Variants in AUTS2 observed in about 807,000 individuals in gnomAD.
The protein encoded by AUTS2 is autism susceptibility gene 2 protein.
AUTS2 carries 17 observed loss-of-function variants against 112.4 expected under a neutral mutation model. That is an observed-to-expected ratio of 0.15 (90% CI 0.10 to 0.23). The LOEUF (loss-of-function observed/expected upper bound fraction) is 0.23. Among genes scored for constraint, AUTS2 ranks in the 10% least tolerant of loss-of-function variants. The pLI, the probability that AUTS2 is intolerant of heterozygous loss-of-function variation, is 1.00. For synonymous variants in AUTS2, 751 were observed against 702.7 expected, an observed-to-expected ratio of 1.07 and a Z score of -1.09; for missense variants, 1,510 against 1,701.6, an observed-to-expected ratio of 0.89 and a Z score of 1.98.
intron 5 of AUTS2, among the ~76,000 whole-genome samples, chr7:70,663,398 T>C (rs1284065465): frequency 1.3e-5 from 2 of 152,078 alleles, no homozygotes; most frequent in African/African-American, 4.8e-5. Context: ...CTCTGTCTTT[T>C]AAAAAAGAAA....
chr7:70,482,071 A>G (rs574016593), intron 5 of AUTS2, among the ~76,000 whole-genome samples: 1 of 152,284 alleles, frequency 6.6e-6, no homozygotes, highest in East Asian at 1.9e-4. Flanking sequence ...CAAAAGACCT[A>G]ACCTTTCCAT....
At chr7:70,282,748 C>G (rs1027304040) in intron 4 of AUTS2, among the ~76,000 whole-genome samples, 2 of 152,240 alleles carry the variant, frequency 1.3e-5, no homozygotes, top group East Asian at 3.9e-4. Flanking sequence ...CCATATTTAG[C>G]TGATAGAAGT....
chr7:70,561,953 C>T (rs537265641), intron 5 of AUTS2, among the ~76,000 whole-genome samples: 8 of 152,240 alleles, frequency 5.3e-5, no homozygotes, highest in African/African-American at 1.4e-4. Flanking sequence ...CCCTCATGAA[C>T]GGCTTGGTGT....
At chr7:70,340,150 A>G (rs1791190524) in intron 4 of AUTS2, among the ~76,000 whole-genome samples, 1 of 151,500 alleles carries the variant, frequency 6.6e-6, no homozygotes, top group South Asian at 2.1e-4. Context: ...ATCTGTGTCC[A>G]TGTATGGAGA....
intron 5 of AUTS2, among the ~76,000 whole-genome samples, chr7:70,506,737 C>A (rs2116709484): frequency 6.6e-6 from 1 of 152,342 alleles, no homozygotes; most frequent in African/African-American, 2.4e-5. Context: ...GGCTGCCCTT[C>A]TGAGTTCAAA....
At chr7:69,762,041 C>T (rs1343927119) in intron 1 of AUTS2, among the ~76,000 whole-genome samples, 7 of 152,160 alleles carry the variant, frequency 4.6e-5, no homozygotes, top group African/African-American at 1.7e-4. Context: ...AATTTATATC[C>T]TAGTGGACTA....
At chr7:70,282,838 G>A (rs1788284126) in intron 4 of AUTS2, among the ~76,000 whole-genome samples, 1 of 152,120 alleles carries the variant, frequency 6.6e-6, no homozygotes, top group Non-Finnish European at 1.5e-5. Context: ...ATGGAGAATT[G>A]CTCCCTCTTC....
At chr7:70,477,963 T>G (rs532217261) in intron 5 of AUTS2, among the ~76,000 whole-genome samples, 1 of 39,854 alleles carries the variant, frequency 2.5e-5, no homozygotes, top group East Asian at 3.8e-4. Flanking sequence ...GTGAGCGTGG[T>G]TCTGACCCTT....
At chr7:70,532,185 C>T (rs1237550558) in intron 5 of AUTS2, among the ~76,000 whole-genome samples, 3 of 152,182 alleles carry the variant, frequency 2.0e-5, no homozygotes, top group Admixed American at 1.3e-4. Context: ...ACTTTGCAAG[C>T]TTCAGCTTGT....
At chr7:69,885,789 G>A (rs114097462) in intron 1 of AUTS2, among the ~76,000 whole-genome samples, 2 of 152,322 alleles carry the variant, frequency 1.3e-5, no homozygotes, top group African/African-American at 4.8e-5. Context: ...AAAAGATACT[G>A]TAAACTTTTT....
At chr7:70,129,752 C>T (rs938488886) in intron 3 of AUTS2, among the ~76,000 whole-genome samples, 2 of 152,164 alleles carry the variant, frequency 1.3e-5, no homozygotes, top group South Asian at 2.1e-4. Flanking sequence ...GACAACCTGA[C>T]GTGGGCATAA....
intron 6 of AUTS2, among the ~76,000 whole-genome samples, chr7:70,746,388 C>T (rs776215898): frequency 6.6e-6 from 1 of 152,118 alleles, no homozygotes; most frequent in Non-Finnish European, 1.5e-5. Context: ...TCAGGTGATC[C>T]GCCCACCTCG....
chr7:70,789,258 C>T (rs1791717048), intron 18 of AUTS2, among the ~76,000 whole-genome samples: 1 of 152,188 alleles, frequency 6.6e-6, no homozygotes, highest in African/African-American at 2.4e-5. Context: ...CAAGAGACTT[C>T]TGTGACACTG....
At chr7:70,674,856 G>A (rs1198440325) in intron 5 of AUTS2, among the ~76,000 whole-genome samples, 1 of 152,228 alleles carries the variant, frequency 6.6e-6, no homozygotes, top group Non-Finnish European at 1.5e-5. Flanking sequence ...GTAGTGAAGG[G>A]TAACTAATGA....
chr7:70,125,285 GTT>G (rs1491402142), intron 3 of AUTS2, among the ~76,000 whole-genome samples: 91 of 141,668 alleles, frequency 6.4e-4, no homozygotes, highest in African/African-American at 2.1e-3. Context: ...GTGTGTGTGT[GTT>G]TTTAATGTTT....
intron 4 of AUTS2, among the ~76,000 whole-genome samples, chr7:70,166,894 T>C (rs993247313): frequency 7.9e-5 from 12 of 152,224 alleles, no homozygotes; most frequent in African/African-American, 2.4e-4. Flanking sequence ...CCATGACTAT[T>C]TTAAAGCAAA....
At chr7:70,114,496 T>C (rs1805253343) in intron 2 of AUTS2, among the ~76,000 whole-genome samples, 1 of 152,164 alleles carries the variant, frequency 6.6e-6, no homozygotes, top group South Asian at 2.1e-4. Context: ...AAAATGCTAG[T>C]TTGAAACTAT....
At chr7:70,676,875 C>G (rs1341278801) in intron 5 of AUTS2, among the ~76,000 whole-genome samples, 1 of 133,994 alleles carries the variant, frequency 7.5e-6, no homozygotes, top group East Asian at 2.1e-4. Context: ...GAGATTCCAT[C>G]TCAAAAAAAA....
At chr7:70,496,510 TC>T (rs1798518794) in intron 5 of AUTS2, among the ~76,000 whole-genome samples, 1 of 106,056 alleles carries the variant, frequency 9.4e-6, no homozygotes, top group South Asian at 3.4e-4. Flanking sequence ...CACATCAGCG[TC>T]GATCACACAC....
Sources: gnomAD v4.1 joint callset for allele counts (sites outside exome capture counted in the v4.1 genomes callset) on GRCh38, gnomAD v4.1.1 for gene constraint, MANE v1.5 for transcripts, NCBI Gene and HGNC (gene_info 2026-07-23, HGNC 2026-07-21) for gene names.